The following EVI5 variants were observed in gnomAD, a reference collection of about 807,000 sequenced individuals.
The protein encoded by EVI5 is ecotropic viral integration site 5, also known as ecotropic viral integration site 5 protein homolog.
A neutral mutation model predicts 112.0 loss-of-function variants in EVI5; 73 were observed. The observed-to-expected ratio is 0.65, with a 90% CI of 0.54 to 0.79. The LOEUF (loss-of-function observed/expected upper bound fraction) is 0.79, where lower values mean the gene tolerates loss of function less well. EVI5 is among the 30% of genes least tolerant of loss of function. The pLI is 0.00. For missense variants in EVI5, 900 were observed against 968.8 expected, an observed-to-expected ratio of 0.93 and a Z score of 0.94; for synonymous variants, 305 against 319.9, an observed-to-expected ratio of 0.95 and a Z score of 0.50.
chr1:92,610,340 A>G (rs946577765), intron 16 of EVI5, among the ~76,000 whole-genome samples: 1 of 152,212 alleles, frequency 6.6e-6, no homozygotes, highest in African/African-American at 2.4e-5. Context: ...TCTTTGACAT[A>G]AGCTGCAAAT....
chr1:92,628,507 A>T (rs1656186963), intron 14 of EVI5, among the ~76,000 whole-genome samples: 1 of 152,222 alleles, frequency 6.6e-6, no homozygotes, highest in South Asian at 2.1e-4. Context: ...ATTTTTGTAT[A>T]ACGTGAGAGA....
rs553558489 is a variant in EVI5, at chr1:92,729,931, G to T, written c.149+6467C>A. ...GGGTTTATCCTAAGAATGTAAAGTC[G>T]GTTTAACATTGAAAAATCAATGTAA... On this transcript the variant is annotated intron_variant, in intron 2 of 19. Coordinates refer to ENST00000684568, the MANE Select transcript of EVI5 (RefSeq NM_001350197.2). Among the ~76,000 whole-genome samples the T allele has an allele frequency of 2.6e-5, 4 of 152,048 alleles. No homozygotes were observed. In the East Asian group the frequency reaches 7.7e-4, roughly 29 times the overall value.
chr1:92,522,529 G>A (rs886938220), intron 19 of EVI5, among the ~76,000 whole-genome samples: 1 of 150,744 alleles, frequency 6.6e-6, no homozygotes, highest in African/African-American at 2.4e-5. Flanking sequence ...CCAGCTACGC[G>A]GGAGGCTGAG....
chr1:92,520,964 CT>C lies in EVI5; in HGVS notation c.2167-6995del, dbSNP rs375289358. Among the ~76,000 whole-genome samples the C allele has an allele frequency of 3.1e-3, 446 of 142,154 alleles. 5 individuals are homozygous for C. The highest frequency in any genetic ancestry group is 3.6e-3 in the Middle Eastern group (1 of 276). 93.3% of individuals were successfully genotyped at this position (142,154 alleles called of 152,430 possible). On this transcript the variant is annotated intron_variant, in intron 19 of 19. Coordinates refer to ENST00000684568, the MANE Select transcript of EVI5 (RefSeq NM_001350197.2). ...AGCACGTATGAGATTGCTGCTTCTTCTTTTTTTTTTTTTTTGAGACAGGGTC... is the reference window on the plus strand; with the variant it reads ...AGCACGTATGAGATTGCTGCTTCTTCTTTTTTTTTTTTTTGAGACAGGGTC...
chr1:92,729,468 G>T (rs1676111007), intron 2 of EVI5, among the ~76,000 whole-genome samples: 1 of 152,148 alleles, frequency 6.6e-6, no homozygotes, highest in African/African-American at 2.4e-5. Flanking sequence ...ACCGATAAAG[G>T]TCAAGGACTT....
intron 5 of EVI5, among the ~76,000 whole-genome samples, chr1:92,700,516 T>A (rs867403850): frequency 2.0e-5 from 3 of 152,296 alleles, no homozygotes; most frequent in Admixed American, 6.5e-5. Context: ...GCTAAGTAGA[T>A]CAATCACCAA....
intron 1 of EVI5, among the ~76,000 whole-genome samples, chr1:92,759,300 G>T (rs1681444374): frequency 6.6e-6 from 1 of 152,130 alleles, no homozygotes; most frequent in Admixed American, 6.6e-5. Context: ...AGAAAACCAA[G>T]AAGAAAATTT....
At chr1:92,528,081 T>C (rs1479670560) in intron 19 of EVI5, among the ~76,000 whole-genome samples, 6 of 152,248 alleles carry the variant, frequency 3.9e-5, no homozygotes, top group Non-Finnish European at 5.9e-5. Context: ...TTACCTTACC[T>C]TCTGCCTAGT....
At chr1:92,758,152 A>G (rs927365722) in intron 1 of EVI5, among the ~76,000 whole-genome samples, 1 of 152,342 alleles carries the variant, frequency 6.6e-6, no homozygotes, top group African/African-American at 2.4e-5. Flanking sequence ...ATTAACAGCT[A>G]CCTCAAGATA....
chr1:92,657,151 C>G (rs1663144603), intron 13 of EVI5, among the ~76,000 whole-genome samples: 1 of 152,140 alleles, frequency 6.6e-6, no homozygotes, highest in Admixed American at 6.5e-5. Context: ...CAAACCAAAT[C>G]CAGCAGCACA....
At chr1:92,756,928 C>G in intron 1 of EVI5, 1 of 344,746 alleles carries the variant, frequency 2.9e-6, no homozygotes, top group South Asian at 2.5e-5. Flanking sequence ...ATGAACATTA[C>G]CCTTGTATTA....
intron 1 of EVI5, among the ~76,000 whole-genome samples, chr1:92,760,973 G>C (rs930313833): frequency 6.8e-6 from 1 of 147,574 alleles, no homozygotes; most frequent in Non-Finnish European, 1.5e-5. Flanking sequence ...CAGGAGAATG[G>C]CATGAACCCG....
At chr1:92,737,641 G>A (rs1677664334) in intron 1 of EVI5, among the ~76,000 whole-genome samples, 1 of 151,942 alleles carries the variant, frequency 6.6e-6, no homozygotes, top group Admixed American at 6.6e-5. Context: ...TCCTGTCCAG[G>A]TCCTGGTAGT....
At chr1:92,624,850 G>A (rs948996528) in intron 15 of EVI5, among the ~76,000 whole-genome samples, 1 of 152,164 alleles carries the variant, frequency 6.6e-6, no homozygotes, top group Non-Finnish European at 1.5e-5. Context: ...TTCCCAACTG[G>A]GGCAATTTTG....
chr1:92,540,646 G>T (rs1219277168), intron 19 of EVI5, among the ~76,000 whole-genome samples: 1 of 151,904 alleles, frequency 6.6e-6, no homozygotes, highest in Non-Finnish European at 1.5e-5. Flanking sequence ...TTTCTTGATG[G>T]TGATCTTTGA....
At chr1:92,669,036 C>T (rs1665403239) in intron 10 of EVI5, among the ~76,000 whole-genome samples, 1 of 152,062 alleles carries the variant, frequency 6.6e-6, no homozygotes, top group Admixed American at 6.6e-5. Flanking sequence ...TCTCCATTTC[C>T]TCATCCAGAA....
chr1:92,650,509 T>C (rs937300733), intron 13 of EVI5, among the ~76,000 whole-genome samples: 4 of 152,106 alleles, frequency 2.6e-5, no homozygotes, highest in Non-Finnish European at 5.9e-5. Flanking sequence ...TGCTGGCGCA[T>C]TCTTTTACTT....
intron 19 of EVI5, among the ~76,000 whole-genome samples, chr1:92,541,141 T>C (rs943129738): frequency 1.3e-5 from 2 of 152,228 alleles, no homozygotes; most frequent in Admixed American, 6.5e-5. Context: ...CTCTCACTTT[T>C]AGTGTTCCAT....
chr1:92,788,076 G>A (rs1475612639), upstream of EVI5, among the ~76,000 whole-genome samples: 1 of 152,018 alleles, frequency 6.6e-6, no homozygotes, highest in South Asian at 2.1e-4. Context: ...TGGTAAAAAT[G>A]GTCTCTATCT....
Sources: gnomAD v4.1 joint callset for allele counts (sites outside exome capture counted in the v4.1 genomes callset) on GRCh38, gnomAD v4.1.1 for gene constraint, MANE v1.5 for transcripts, NCBI Gene and HGNC (gene_info 2026-07-23, HGNC 2026-07-21) for gene names.